PCDH9: variants seen among roughly 807,000 people sequenced by gnomAD.
PCDH9 encodes the protein protocadherin 9.
A neutral mutation model predicts 70.6 loss-of-function variants in PCDH9; 24 were observed. The observed-to-expected ratio is 0.34, with a 90% CI of 0.25 to 0.48. The LOEUF is 0.48. Among genes scored for constraint, PCDH9 ranks in the 20% least tolerant of loss-of-function variants. PCDH9 has a pLI of 0.99. For synonymous variants in PCDH9, 562 were observed against 558.5 expected, an observed-to-expected ratio of 1.01 and a Z score of -0.09; for missense variants, 1,281 against 1,503.6, an observed-to-expected ratio of 0.85 and a Z score of 2.45.
rs996090882 is a variant in PCDH9 at position 66,593,743 on chromosome 13, T to A, written c.3340+37467A>T. ...TTTGCTTTTGTTTTATTTTTAAATA[T>A]ATGTTTGTATTTGAAAACCAAAGAG... On this transcript the variant is annotated intron_variant, in intron 4 of 4. Coordinates refer to ENST00000377865, the MANE Select transcript of PCDH9 (RefSeq NM_203487.3). Among the ~76,000 whole-genome samples the A allele has an allele frequency of 2.0e-5, 3 of 151,704 alleles. No homozygotes were observed. The Admixed American group carries it at 2.0e-4, about 10-fold the overall frequency.
chr13:66,470,990 C>G (rs1200094362), intron 4 of PCDH9, among the ~76,000 whole-genome samples: 2 of 150,882 alleles, frequency 1.3e-5, no homozygotes, highest in East Asian at 3.9e-4. Flanking sequence ...TAAAAGGCAG[C>G]CTTTATTAAT....
At chr13:66,648,860 GA>G (rs1410515879) in intron 3 of PCDH9, among the ~76,000 whole-genome samples, 3 of 151,944 alleles carry the variant, frequency 2.0e-5, no homozygotes, top group South Asian at 2.1e-4. Context: ...AATCCTACCA[GA>G]TATATTTAAC....
rs563174223 is a variant in PCDH9, at chr13:67,059,707, T to C, written c.3037-156102A>G. On this transcript the variant is annotated intron_variant, in intron 2 of 4. Transcript: ENST00000377865. ...GCTTAACAGAGTAAACCGTCTTGAA[T>C]GAAGAGATGCATTTATTTCTGTTGT... is the stretch of plus-strand genomic sequence containing the variant. Among the ~76,000 whole-genome samples, 146 of 151,848 alleles carry C rather than the reference T, an allele frequency of 9.6e-4. 1 individual carries two copies. Among genetic ancestry groups the C allele is most frequent in the Non-Finnish European group, 3.4e-4 (23 of 67,930 alleles).
At chr13:67,101,910 T>C (rs920911428) in intron 2 of PCDH9, among the ~76,000 whole-genome samples, 7 of 152,100 alleles carry the variant, frequency 4.6e-5, no homozygotes, top group Non-Finnish European at 8.8e-5. Flanking sequence ...TATGCCTCTG[T>C]GGAATACCAA....
chr13:66,605,669 T>G (rs1566450838), intron 4 of PCDH9, among the ~76,000 whole-genome samples: 1 of 152,196 alleles, frequency 6.6e-6, no homozygotes. Context: ...ATGATTTATT[T>G]AACATTTTTA....
At chr13:67,076,274 T>C (rs1017394311) in intron 2 of PCDH9, among the ~76,000 whole-genome samples, 11 of 152,122 alleles carry the variant, frequency 7.2e-5, no homozygotes, top group African/African-American at 2.7e-4. Flanking sequence ...TATATGGAGA[T>C]TTAGCATAGT....
intron 2 of PCDH9, among the ~76,000 whole-genome samples, chr13:67,189,460 T>C (rs1403763354): frequency 6.6e-6 from 1 of 152,114 alleles, no homozygotes; most frequent in Non-Finnish European, 1.5e-5. Context: ...GAAATATTTT[T>C]CTTATACCAT....
At chr13:66,867,114 G>A in intron 3 of PCDH9, among the ~76,000 whole-genome samples, 1 of 150,806 alleles carries the variant, frequency 6.6e-6, no homozygotes, top group Non-Finnish European at 1.5e-5. Context: ...AACTCACACA[G>A]AAAGAGAAAA....
Position 67,226,594 on chromosome 13 carries a change from T to C in PCDH9, c.1847A>G (p.Asp616Gly). ...AGAATAGGGATCCAACACAAAATTA[T>C]CATTGTCATTTAGAATGGAAAGAGT... ...AVTLSILNDN[D>G]NFVLDPYSGV... The change falls in exon 2 of 5, where the codon GAT becomes GGT. Residue 616 changes from aspartate (D) to glycine (G), a missense_variant. Coordinates refer to ENST00000377865, the MANE Select transcript of PCDH9 (RefSeq NM_203487.3). The surrounding 1 kb of genome is among the most constrained non-coding windows in gnomAD (Gnocchi z 5.0). 1 of 1,614,062 alleles carries C rather than the reference T, an allele frequency of 6.2e-7. No individual in the cohort carries two copies. Among genetic ancestry groups the C allele is most frequent in the African/African-American group, 1.3e-5 (1 of 75,048 alleles).
intron 3 of PCDH9, among the ~76,000 whole-genome samples, chr13:66,678,853 C>G (rs1593880759): frequency 1.3e-5 from 2 of 151,678 alleles, no homozygotes; most frequent in African/African-American, 2.4e-5. Context: ...TCTTAGTACA[C>G]TTAGTATGTT....
chr13:66,562,640 T>C (rs138168861), intron 4 of PCDH9, among the ~76,000 whole-genome samples: 15 of 152,216 alleles, frequency 9.9e-5, no homozygotes, highest in African/African-American at 3.4e-4. Context: ...CCCACCCTCA[T>C]GATTCAGTTA....
At chr13:66,813,274 C>G (rs1181701754) in intron 3 of PCDH9, among the ~76,000 whole-genome samples, 2 of 152,100 alleles carry the variant, frequency 1.3e-5, no homozygotes, top group African/African-American at 4.8e-5. Context: ...GCAATAAAAA[C>G]TAGAATCAAA....
chr13:66,496,011 AC>A (rs1269880116), intron 4 of PCDH9, among the ~76,000 whole-genome samples: 3 of 152,208 alleles, frequency 2.0e-5, no homozygotes, highest in Non-Finnish European at 2.9e-5. Context: ...TTAAGATTGT[AC>A]AAAGCCCATA....
chr13:67,006,721 T>C (rs1293622989), intron 2 of PCDH9, among the ~76,000 whole-genome samples: 4 of 152,194 alleles, frequency 2.6e-5, no homozygotes, highest in African/African-American at 9.6e-5. Context: ...TTTTCATTTG[T>C]TTAGCTCCTG....
At chr13:66,979,929 T>C (rs1301698113) in intron 2 of PCDH9, among the ~76,000 whole-genome samples, 1 of 151,962 alleles carries the variant, frequency 6.6e-6, no homozygotes, top group African/African-American at 2.4e-5. Context: ...TTTTTCTTTC[T>C]TTCCTATCTA....
chr13:66,911,728 T>G (rs2139620825), intron 2 of PCDH9, among the ~76,000 whole-genome samples: 1 of 152,326 alleles, frequency 6.6e-6, no homozygotes, highest in East Asian at 1.9e-4. Flanking sequence ...AATTACAGGA[T>G]TACATGTTAT....
intron 2 of PCDH9, among the ~76,000 whole-genome samples, chr13:67,053,550 A>G (rs980397112): frequency 6.6e-6 from 1 of 152,178 alleles, no homozygotes; most frequent in African/African-American, 2.4e-5. Context: ...TAGGAGAGAG[A>G]CAGCCTCTTT....
chr13:66,829,585 A>G (rs762630192), intron 3 of PCDH9, among the ~76,000 whole-genome samples: 12 of 151,958 alleles, frequency 7.9e-5, no homozygotes, highest in Non-Finnish European at 1.6e-4. Flanking sequence ...TTATTTCTCA[A>G]TCAAACTGAC....
At chr13:66,894,627 A>G (rs1404750329) in intron 3 of PCDH9, among the ~76,000 whole-genome samples, 4 of 152,152 alleles carry the variant, frequency 2.6e-5, no homozygotes, top group Non-Finnish European at 5.9e-5. Flanking sequence ...AATATCTCAC[A>G]GCCTCTGATG....
Sources: allele counts gnomAD v4.1 joint callset (sites outside exome capture counted in the v4.1 genomes callset), GRCh38; gene constraint gnomAD v4.1.1; non-coding constraint Gnocchi (gnomAD v3.1); transcripts MANE v1.5; gene names NCBI Gene and HGNC (gene_info 2026-07-23, HGNC 2026-07-21).